The following TBP variants were observed in gnomAD, a reference collection of about 807,000 sequenced individuals.
TBP encodes the protein TATA-box-binding protein.
TBP carries 12 observed loss-of-function variants against 46.2 expected under a neutral mutation model. The ratio of observed to expected loss-of-function variants is 0.26; its 90% CI spans 0.17 to 0.42. The LOEUF is 0.42. Among genes scored for constraint, TBP ranks in the 10% least tolerant of loss-of-function variants. The pLI, the probability that TBP is intolerant of heterozygous loss-of-function variation, is 1.00. For missense variants in TBP, 229 were observed against 403.1 expected, an observed-to-expected ratio of 0.57 and a Z score of 3.70; for synonymous variants, 157 against 148.3, an observed-to-expected ratio of 1.06 and a Z score of -0.42.
rs1779149914 is a variant in TBP, at chr6:170,561,952, ACAGCAACAGCAGCAGCAGCAGCAGCAG to A, written c.222_248del (p.Gln87_Gln95del). On this transcript the variant is annotated inframe_deletion, in exon 3 of 8. Transcript: ENST00000392092. ...AGCAGCAGCAGCAGCAGCAGCAGCA[ACAGCAACAGCAGCAGCAGCAGCAGCAG>A]CAGCAGCAGCAGCAGCAGCAGCAGC... is the stretch of plus-strand genomic sequence containing the variant. The A allele has an allele frequency of 4.9e-6, 1 of 202,192 alleles. No homozygotes were observed. The highest frequency in any genetic ancestry group is 2.1e-4 in the African/African-American group (1 of 4,854). The allele number at this position is 202,192 out of a possible 1,614,324, so 12.5% of individuals were successfully genotyped here.
intron 6 of TBP, among the ~76,000 whole-genome samples, chr6:170,570,850 A>G (rs932689163): frequency 3.9e-5 from 6 of 152,104 alleles, no homozygotes; most frequent in African/African-American, 1.2e-4. Context: ...AAAAGAATAT[A>G]TACCAATAGT....
intron 4 of TBP, among the ~76,000 whole-genome samples, chr6:170,564,879 G>A (rs763652222): frequency 1.3e-4 from 19 of 151,670 alleles, no homozygotes; most frequent in African/African-American, 2.2e-4. Flanking sequence ...AAAATTGGCC[G>A]GGCTTGGTGG....
chr6:170,558,235 G>A (rs1407810485), intron 2 of TBP, among the ~76,000 whole-genome samples: 1 of 152,144 alleles, frequency 6.6e-6, no homozygotes, highest in Non-Finnish European at 1.5e-5. Flanking sequence ...GGATTGCTAG[G>A]TCCTATATTG....
chr6:170,568,801 C>CTTTG (rs1469360311), intron 5 of TBP, among the ~76,000 whole-genome samples: 1 of 68,606 alleles, frequency 1.5e-5, no homozygotes, highest in Non-Finnish European at 2.8e-5. Flanking sequence ...TCTCTTCTTT[C>CTTTG]TTTCTTTCCT....
rs1779263034 is a variant in TBP, at chr6:170,566,937, T to C, written c.605T>C (p.Met202Thr). The C allele has an allele frequency of 6.2e-7, 1 of 1,613,320 alleles. No individual in the cohort carries two copies. Among genetic ancestry groups the C allele is most frequent in the Non-Finnish European group, 8.5e-7 (1 of 1,179,586 alleles). ...YNPKRFAAVI[M>T]RIREPRTTAL... ...TTGTAGCGGTTTGCTGCGGTAATCATGAGGATAAGAGAGCCACGAACCACG... is the reference window on the plus strand; with the variant it reads ...TTGTAGCGGTTTGCTGCGGTAATCACGAGGATAAGAGAGCCACGAACCACG... The change falls in exon 5 of 8, where the codon ATG becomes ACG. Residue 202 changes from methionine to threonine, a missense_variant. By Grantham distance (81) the Met-to-Thr change is moderately conservative. Coordinates refer to ENST00000392092, the MANE Select transcript of TBP (RefSeq NM_003194.5).
In TBP at chr6:170,561,967, G is replaced by GCAGCAACAGCAA. The variant is rs1779153377; in HGVS notation, c.236_237insACAGCAACAGCA (p.Gln92_Gln95dup). On this transcript the variant is annotated inframe_insertion, in exon 3 of 8. Coordinates refer to ENST00000392092, the MANE Select transcript of TBP (RefSeq NM_003194.5). ...AGCAGCAGCAACAGCAACAGCAGCA[G>GCAGCAACAGCAA]CAGCAGCAGCAGCAGCAGCAGCAGC... is the stretch of plus-strand genomic sequence containing the variant. 7.1e-6 allele frequency: 5 copies of GCAGCAACAGCAA among 708,506 alleles called. No homozygotes were observed. Among genetic ancestry groups the GCAGCAACAGCAA allele is most frequent in the Non-Finnish European group, 7.2e-6 (4 of 558,258 alleles). 43.9% of individuals were successfully genotyped at this position (708,506 alleles called of 1,614,324 possible).
At chr6:170,566,728 A>C (rs1403824400) in intron 4 of TBP, among the ~76,000 whole-genome samples, 190 bp from the exon 5 acceptor site, 1 of 152,240 alleles carries the variant, frequency 6.6e-6, no homozygotes, top group Non-Finnish European at 1.5e-5. Flanking sequence ...TCCTTATGCA[A>C]AGGAATATTT....
At chr6:170,561,479 GTATTATAGT>G (rs1001527153) in intron 2 of TBP, among the ~76,000 whole-genome samples, 1 of 152,082 alleles carries the variant, frequency 6.6e-6, no homozygotes, top group Non-Finnish European at 1.5e-5. Context: ...TCAGATGTAT[GTATTATAGT>G]TATTTTTTTC....
At chr6:170,571,148 A>G (rs1462177044) in intron 6 of TBP, among the ~76,000 whole-genome samples, 1 of 152,194 alleles carries the variant, frequency 6.6e-6, no homozygotes, top group Non-Finnish European at 1.5e-5. Context: ...TTTTTCTTAA[A>G]TCAGAAAATC....
At chr6:170,559,392 G>C (rs1230673143) in intron 2 of TBP, among the ~76,000 whole-genome samples, 1 of 152,200 alleles carries the variant, frequency 6.6e-6, no homozygotes, top group African/African-American at 2.4e-5. Flanking sequence ...AAGGAAATTA[G>C]AAGTGCTACT....
chr6:170,556,332 T>C (rs1490135329), intron 1 of TBP, among the ~76,000 whole-genome samples: 1 of 150,434 alleles, frequency 6.6e-6, no homozygotes, highest in Non-Finnish European at 1.5e-5. Context: ...GTTATTACAT[T>C]TATAAAAATT....
chr6:170,562,039 C>A lies in TBP; in HGVS notation c.303C>A (p.Ala101=). Residue 101 remains alanine (A), a synonymous_variant, in exon 3 of 8, where the codon GCC becomes GCA. Transcript: ENST00000392092. ...AGCAACAGGCAGTGGCAGCTGCAGCCGTTCAGCAGTCAACGTCCCAGCAGG... is the reference window on the plus strand; with the variant it reads ...AGCAACAGGCAGTGGCAGCTGCAGCAGTTCAGCAGTCAACGTCCCAGCAGG... ...QQQQQAVAAA[A]VQQSTSQQAT... is the part of the protein sequence containing the mutation. The A allele has an allele frequency of 6.2e-7, 1 of 1,613,144 alleles. No homozygotes were observed. The highest frequency in any genetic ancestry group is 8.5e-7 in the Non-Finnish European group (1 of 1,179,648).
At chr6:170,555,427 C>T (rs1253586875) in intron 1 of TBP, among the ~76,000 whole-genome samples, 1 of 151,870 alleles carries the variant, frequency 6.6e-6, no homozygotes, top group East Asian at 1.9e-4. Context: ...TTGAAAACTC[C>T]TGATAGTATG....
At chr6:170,571,624 T>A (rs1779367429) in intron 7 of TBP, 120 bp downstream of exon 7, 1 of 742,908 alleles carries the variant, frequency 1.3e-6, no homozygotes, top group African/African-American at 1.8e-5. Context: ...TACAAAGGCC[T>A]CCCACCCAAA....
chr6:170,561,297 G>A (rs891936978), intron 2 of TBP, among the ~76,000 whole-genome samples: 6 of 152,150 alleles, frequency 3.9e-5, no homozygotes, highest in Non-Finnish European at 8.8e-5. Context: ...AATTGATGCC[G>A]CTTGCTTTAT....
intron 2 of TBP, among the ~76,000 whole-genome samples, chr6:170,559,912 G>C (rs1459842857): frequency 6.6e-6 from 1 of 152,134 alleles, no homozygotes; most frequent in African/African-American, 2.4e-5. Flanking sequence ...AAACCATAGA[G>C]CCTTAAGAAT....
chr6:170,561,999 A>G lies in TBP; in HGVS notation c.263A>G (p.Gln88Arg), dbSNP rs1562359677. 1.2e-6 allele frequency: 2 copies of G among 1,608,678 alleles called. No individual in the cohort carries two copies. Among genetic ancestry groups the G allele is most frequent in the Admixed American group, 1.7e-5 (1 of 59,654 alleles). Residue 88 changes from glutamine to arginine, a missense_variant, in exon 3 of 8, where the codon CAG becomes CGG. Transcript: ENST00000392092. ...QQQQQQQQQQ[Q>R]QQQQQQQAVA... is the part of the protein sequence containing the mutation. ...CAGCAGCAGCAGCAGCAGCAGCAGC[A>G]GCAGCAGCAGCAGCAGCAACAGGCA...
chr6:170,562,402 T>C (rs76926312), intron 3 of TBP, among the ~76,000 whole-genome samples, 169 bp downstream of exon 3: 1,618 of 152,354 alleles, frequency 0.011, 9 homozygotes, highest in Non-Finnish European at 0.017. Context: ...AAAGCTATCT[T>C]AGTCAGTGTC....
chr6:170,556,738 G>A, intron 1 of TBP, 144 bp from the exon 2 acceptor site: 1 of 270,520 alleles, frequency 3.7e-6, no homozygotes. Flanking sequence ...TAAAACTTTA[G>A]GATTATAAGG....
Sources: gnomAD v4.1 joint callset for allele counts (sites outside exome capture counted in the v4.1 genomes callset) on GRCh38, gnomAD v4.1.1 for gene constraint, MANE v1.5 for transcripts, NCBI Gene and HGNC (gene_info 2026-07-23, HGNC 2026-07-21) for gene names.